Variants in KCNH2 observed in about 807,000 individuals in gnomAD.
The protein encoded by KCNH2 is voltage-gated inwardly rectifying potassium channel KCNH2.
KCNH2 carries 35 observed loss-of-function variants against 95.9 expected under a neutral mutation model. The observed-to-expected ratio is 0.37, with a 90% confidence interval of 0.28 to 0.48. KCNH2 has a LOEUF of 0.48. KCNH2 is among the 20% of genes least tolerant of loss of function. The pLI is 0.99. For missense variants in KCNH2, 1,274 were observed against 1,702.9 expected, an observed-to-expected ratio of 0.75 and a Z score of 4.43; for synonymous variants, 786 against 754.7, an observed-to-expected ratio of 1.04 and a Z score of -0.68.
chr7:150,946,738 CA>C lies in KCNH2; in HGVS notation c.3330+138del. ...CTGAAGCAGCCTTCCTCCAGGAGGA[CA>C]GGGGTGGGAGGAGGGCAGGAACAAG... On this transcript the variant is annotated intron_variant, in intron 14 of 14. Transcript: ENST00000262186. This position sits in a 1 kb window ranked among gnomAD's most constrained non-coding sequence, Gnocchi z 6.5. The C allele has an allele frequency of 1.3e-6, 1 of 770,762 alleles. No individual in the cohort carries two copies. The highest frequency in any genetic ancestry group is 1.8e-5 in the South Asian group (1 of 54,674). The allele number at this position is 770,762 out of a possible 1,614,324, so 47.7% of individuals were successfully genotyped here.
intron 13 of KCNH2, 81 bp from the exon 14 acceptor site, chr7:150,947,135 A>AG (rs1800925382): frequency 8.8e-6 from 2 of 226,024 alleles, no homozygotes; most frequent in Non-Finnish European, 1.7e-5. Context: ...GGGGAAGGGG[A>AG]GGGGGGAGGG....
intron 4 of KCNH2, 68 bp from the exon 5 acceptor site, chr7:150,957,570 T>G (rs1801419608): frequency 8.4e-7 from 1 of 1,184,652 alleles, no homozygotes; most frequent in Non-Finnish European, 1.2e-6. Flanking sequence ...CACCCATAGA[T>G]CGAGAGTGGA....
intron 2 of KCNH2, among the ~76,000 whole-genome samples, chr7:150,965,416 C>G (rs543130895): frequency 9.2e-5 from 14 of 152,168 alleles, no homozygotes; most frequent in Non-Finnish European, 2.1e-4. Context: ...TCGGGTGGTG[C>G]ACGAACTGGA....
At chr7:150,958,035 G>T in intron 4 of KCNH2, 24 bp downstream of exon 4, 1 of 1,266,868 alleles carries the variant, frequency 7.9e-7, no homozygotes, top group Non-Finnish European at 9.9e-7. Context: ...GGCTGGGGCG[G>T]AACGGGTCCC....
intron 2 of KCNH2, among the ~76,000 whole-genome samples, chr7:150,966,064 G>A (rs1238419836): frequency 6.6e-6 from 1 of 152,222 alleles, no homozygotes; most frequent in Non-Finnish European, 1.5e-5. Flanking sequence ...AGGAACCCAA[G>A]GGAAGGCGGC....
At chr7:150,968,353 G>A (rs1801756992) in intron 2 of KCNH2, among the ~76,000 whole-genome samples, 1 of 152,206 alleles carries the variant, frequency 6.6e-6, no homozygotes, top group South Asian at 2.1e-4. Context: ...AGACATTGTG[G>A]GGTCCCTCCC....
Position 150,961,084 on chromosome 7 carries a change from C to G in KCNH2, c.308-1348G>C, listed in dbSNP as rs559861418. Among the ~76,000 whole-genome samples the G allele has an allele frequency of 5.3e-5, 8 of 152,328 alleles. No individual in the cohort carries two copies. The highest frequency in any genetic ancestry group is 2.0e-4 in the Admixed American group (3 of 15,304). Reference sequence around the variant, plus strand: ...CTCCCTAGGGAGCCTCTTCCTTCCTCTCAGCTCCCCCTCTGCTCAGCTGTC... The same window carrying G: ...CTCCCTAGGGAGCCTCTTCCTTCCTGTCAGCTCCCCCTCTGCTCAGCTGTC... On this transcript the variant is annotated intron_variant, in intron 2 of 14. Transcript: ENST00000262186. The surrounding 1 kb of genome is among the most constrained non-coding windows in gnomAD (Gnocchi z 6.2).
At chr7:150,955,274 G>T (rs1019009258) in intron 5 of KCNH2, 16 of 1,008,740 alleles carry the variant, frequency 1.6e-5, no homozygotes, top group Non-Finnish European at 2.3e-5. Context: ...AGGCCCCACG[G>T]CTCCCAAAGC....
chr7:150,958,210 G>A lies in KCNH2; in HGVS notation c.765C>T (p.Ser255=), dbSNP rs2117004097. ...TGGAGCCCGAGGCGTCGGGGTTGAG[G>A]CTGTGCGCCCGGGGCGATGGGAGCT... is the stretch of plus-strand genomic sequence containing the variant. The part of the protein sequence containing the change: ...PGQLPSPRAH[S]LNPDASGSSC... Residue 255 remains serine (S), a synonymous_variant, in exon 4 of 15, where the codon AGC becomes AGT. Coordinates refer to ENST00000262186, the MANE Select transcript of KCNH2 (RefSeq NM_000238.4). 7.3e-7 allele frequency: 1 copy of A among 1,372,184 alleles called. No individual in the cohort carries two copies. The highest frequency in any genetic ancestry group is 3.2e-5 in the Admixed American group (1 of 31,014). 85.0% of individuals were successfully genotyped at this position (1,372,184 alleles called of 1,614,324 possible). A position where few individuals can be genotyped will look rare whatever the true frequency, so the allele number is the denominator to read the frequency against.
Position 150,958,249 on chromosome 7 carries a change from G to A in KCNH2, c.726C>T (p.Arg242=). The change falls in exon 4 of 15, where the codon CGC becomes CGT. Residue 242 remains arginine, a synonymous_variant. Coordinates refer to ENST00000262186, the MANE Select transcript of KCNH2 (RefSeq NM_000238.4). Reference sequence around the variant, plus strand: ...GCGATGGGAGCTGGCCGGGCGCGCTGCGGGGCGGAGAGCCGGGACCCACCA... The same window carrying A: ...GCGATGGGAGCTGGCCGGGCGCGCTACGGGGCGGAGAGCCGGGACCCACCA... ...RALVGPGSPP[R]SAPGQLPSPR... 7.1e-7 allele frequency: 1 copy of A among 1,413,424 alleles called. No individual in the cohort carries two copies. Among genetic ancestry groups the A allele is most frequent in the Non-Finnish European group, 9.2e-7 (1 of 1,086,970 alleles). 87.6% of individuals were successfully genotyped at this position (1,413,424 alleles called of 1,614,324 possible).
intron 2 of KCNH2, among the ~76,000 whole-genome samples, chr7:150,966,439 C>T (rs1027526903): frequency 9.2e-5 from 11 of 119,968 alleles, no homozygotes; most frequent in Non-Finnish European, 8.0e-5. Context: ...CAAACAAATA[C>T]GAGTGCTAAT....
chr7:150,951,601 T>TG lies in KCNH2; in HGVS notation c.1791dup (p.Asn598GlnfsTer57). 1 of 1,614,194 alleles carries TG rather than the reference T, an allele frequency of 6.2e-7. No homozygotes were observed. Among genetic ancestry groups the TG allele is most frequent in the Non-Finnish European group, 8.5e-7 (1 of 1,180,034 alleles). On this transcript the variant is annotated frameshift_variant, in exon 7 of 15. Transcript: ENST00000262186. LOFTEE classifies it high-confidence loss of function. ...GAGGGGCCGCCCAGGCCGCTGCTGT[T>TG]GTAGGGTTTGCCTATCTGGTCGCCC...
intron 4 of KCNH2, 61 bp downstream of exon 4, chr7:150,957,998 A>G: frequency 8.0e-7 from 1 of 1,244,494 alleles, no homozygotes; most frequent in Non-Finnish European, 1.0e-6. Context: ...CCCAGAATGC[A>G]GCAAGCCTGG....
At chr7:150,955,042 G>A (rs888842326) in intron 5 of KCNH2, among the ~76,000 whole-genome samples, 25 of 152,184 alleles carry the variant, frequency 1.6e-4, no homozygotes, top group Admixed American at 5.2e-4. Flanking sequence ...GTCGCCTGCC[G>A]GCTTCTCCTG....
chr7:150,958,064 C>G lies in KCNH2; in HGVS notation c.911G>C (p.Ser304Thr). Residue 304 changes from serine to threonine, a missense_variant, in exon 4 of 15, where the codon AGC becomes ACC. This residue lies in a region of KCNH2 where 392 missense variants were observed against 429.9 expected (regional missense o/e 0.91). Coordinates refer to ENST00000262186, the MANE Select transcript of KCNH2 (RefSeq NM_000238.4). ...GVLPPPPRHA[S>T]TGAMHPLRSG... ...GGGTCCCGCGGCGCCCTCACCGGTG[C>G]TGGCGTGGCGCGGTGGCGGGGGCAG... The G allele has an allele frequency of 7.8e-7, 1 of 1,275,650 alleles. No individual in the cohort carries two copies. Among genetic ancestry groups the G allele is most frequent in the Non-Finnish European group, 9.9e-7 (1 of 1,015,120 alleles). 79.0% of individuals were successfully genotyped at this position (1,275,650 alleles called of 1,614,324 possible).
Position 150,962,871 on chromosome 7 carries a change from C to T in KCNH2, c.308-3135G>A, listed in dbSNP as rs1169675149. ...GGCTCTCAGAGGCACTGCCTGCAACCACCCTGCCGCGTCGGCTGGGGCTTC... is the reference window on the plus strand; with the variant it reads ...GGCTCTCAGAGGCACTGCCTGCAACTACCCTGCCGCGTCGGCTGGGGCTTC... On this transcript the variant is annotated intron_variant, in intron 2 of 14. Coordinates refer to ENST00000262186, the MANE Select transcript of KCNH2 (RefSeq NM_000238.4). This position sits in a 1 kb window ranked among gnomAD's most constrained non-coding sequence, Gnocchi z 5.7. 6.6e-6 allele frequency among the ~76,000 whole-genome samples: 1 copy of T among 152,178 alleles called. No homozygotes were observed. Among genetic ancestry groups the T allele is most frequent in the African/African-American group, 2.4e-5 (1 of 41,450 alleles).
chr7:150,970,185 T>C (rs879374762), intron 2 of KCNH2, among the ~76,000 whole-genome samples: 1 of 152,034 alleles, frequency 6.6e-6, no homozygotes, highest in South Asian at 2.1e-4. Context: ...TACCAACATG[T>C]GAAGGGCTTT....
intron 2 of KCNH2, among the ~76,000 whole-genome samples, chr7:150,964,749 C>T (rs796358566): frequency 1.3e-5 from 2 of 152,242 alleles, no homozygotes; most frequent in Non-Finnish European, 2.9e-5. Flanking sequence ...CCCAAAGTCA[C>T]GCTGAGGGCA....
chr7:150,949,813 A>C, intron 9 of KCNH2: 1 of 1,236,436 alleles, frequency 8.1e-7, no homozygotes, highest in South Asian at 1.5e-5. Context: ...GCAGGGAACC[A>C]CATGGCCCTT....
Sources: allele counts gnomAD v4.1 joint callset (sites outside exome capture counted in the v4.1 genomes callset), GRCh38; gene constraint gnomAD v4.1.1; regional missense constraint gnomAD v4.1.1; non-coding constraint Gnocchi (gnomAD v3.1); transcripts MANE v1.5; gene names NCBI Gene and HGNC (gene_info 2026-07-23, HGNC 2026-07-21).